Variants in PRKN observed in about 807,000 individuals in gnomAD.
The protein encoded by PRKN is parkin RBR E3 ubiquitin protein ligase, also known as E3 ubiquitin-protein ligase parkin.
In PRKN, 56 loss-of-function variants were observed where a neutral mutation model predicts 59.5. That is an observed-to-expected ratio of 0.94 (90% CI 0.76 to 1.18). PRKN has a LOEUF of 1.18. PRKN is among the 50% of genes most tolerant of loss of function. The probability of loss-of-function intolerance (pLI) is 0.00; values close to 1 mark genes in which losing one functional copy is unlikely to be tolerated. For synonymous variants in PRKN, 250 were observed against 222.1 expected (o/e 1.13, Z -1.12); for missense variants, 657 against 596.4 (o/e 1.10, Z -1.06).
At chr6:162,676,155 C>A (rs1409580655) in intron 1 of PRKN, among the ~76,000 whole-genome samples, 1 of 152,126 alleles carries the variant, frequency 6.6e-6, no homozygotes, top group Non-Finnish European at 1.5e-5. Context: ...TCAGTTATCA[C>A]AAAGTCAGAA....
intron 4 of PRKN, among the ~76,000 whole-genome samples, chr6:162,085,267 C>T (rs1334754240): frequency 4.6e-5 from 7 of 151,502 alleles, no homozygotes; most frequent in African/African-American, 1.7e-4. Context: ...ACCCCTACCC[C>T]TAAAAACAAC....
At chr6:161,774,695 A>G (rs1789848627) in intron 7 of PRKN, among the ~76,000 whole-genome samples, 1 of 152,154 alleles carries the variant, frequency 6.6e-6, no homozygotes, top group Non-Finnish European at 1.5e-5. Flanking sequence ...GCCAACCCAC[A>G]CTGGACCATG....
intron 4 of PRKN, among the ~76,000 whole-genome samples, chr6:162,099,658 A>G (rs1779883760): frequency 6.6e-6 from 1 of 152,246 alleles, no homozygotes; most frequent in African/African-American, 2.4e-5. Flanking sequence ...TTTTAAATCA[A>G]CAAAAATGAT....
At chr6:161,608,008 CCAGA>C (rs1782345807) in intron 7 of PRKN, among the ~76,000 whole-genome samples, 1 of 152,094 alleles carries the variant, frequency 6.6e-6, no homozygotes, top group East Asian at 1.9e-4. Context: ...TTCCCTATTC[CCAGA>C]CAAACCATTG....
chr6:162,630,966 G>C (rs1783089110), intron 1 of PRKN, among the ~76,000 whole-genome samples: 1 of 152,074 alleles, frequency 6.6e-6, no homozygotes, highest in Non-Finnish European at 1.5e-5. Context: ...AAGGAATTTT[G>C]ATCAAATTGA....
rs35184111 is a variant in PRKN, at chr6:162,087,589, C to CTTT, written c.535-33418_535-33416dup. Among the ~76,000 whole-genome samples the CTTT allele has an allele frequency of 7.6e-3, 780 of 102,680 alleles. 51 individuals carry two copies. The highest frequency in any genetic ancestry group is 0.02 in the African/African-American group (528 of 25,974). 67.4% of individuals were successfully genotyped at this position (102,680 alleles called of 152,430 possible). A position where few individuals can be genotyped will look rare whatever the true frequency, so the allele number is the denominator to read the frequency against. ...CCTACAGGTGCTTAGAGAATAATTTCTTTTTTTTTTTTTTTTTTTTTCTGA... is the reference window on the plus strand; with the variant it reads ...CCTACAGGTGCTTAGAGAATAATTTCTTTTTTTTTTTTTTTTTTTTTTTTCTGA... On this transcript the variant is annotated intron_variant, in intron 4 of 11. Transcript: ENST00000366898.
chr6:162,606,484 T>C (rs941488291), intron 1 of PRKN, among the ~76,000 whole-genome samples: 1 of 152,194 alleles, frequency 6.6e-6, no homozygotes, highest in Non-Finnish European at 1.5e-5. Flanking sequence ...TGAAAGTGTA[T>C]TGCTTTCACA....
Position 161,397,363 on chromosome 6 carries a change from T to C in PRKN, c.1084-10486A>G, listed in dbSNP as rs1948927798. 6.6e-6 allele frequency among the ~76,000 whole-genome samples: 1 copy of C among 152,190 alleles called. No homozygotes were observed. The highest frequency in any genetic ancestry group is 2.1e-4 in the South Asian group (1 of 4,830). On this transcript the variant is annotated intron_variant, in intron 9 of 11. Transcript: ENST00000366898. This position sits in a 1 kb window ranked among gnomAD's most constrained non-coding sequence, Gnocchi z 4.2. ...TCATGGGTTGAATTGAGTATTCTTG[T>C]GTAAGTCTTAAGGGTCCCATAGAAG...
intron 6 of PRKN, among the ~76,000 whole-genome samples, chr6:161,967,062 C>T (rs576407826): frequency 1.2e-4 from 19 of 152,292 alleles, no homozygotes; most frequent in Non-Finnish European, 1.8e-4. Flanking sequence ...GAACTCCTGA[C>T]CTCGTGATCT....
At chr6:161,513,304 G>A (rs911642678) in intron 9 of PRKN, among the ~76,000 whole-genome samples, 2 of 152,100 alleles carry the variant, frequency 1.3e-5, no homozygotes, top group African/African-American at 2.4e-5. Context: ...GCAGTGGTGC[G>A]ATCTCAGCAC....
intron 1 of PRKN, among the ~76,000 whole-genome samples, chr6:162,556,695 C>T (rs546536078): frequency 5.9e-4 from 80 of 136,316 alleles, no homozygotes; most frequent in African/African-American, 2.1e-3. Flanking sequence ...TGCTGTGAGC[C>T]GAGATTGCAC....
intron 1 of PRKN, among the ~76,000 whole-genome samples, chr6:162,528,247 G>A (rs568109239): frequency 7.1e-4 from 108 of 151,738 alleles, no homozygotes; most frequent in African/African-American, 2.5e-3. Context: ...GCTTGAACCC[G>A]GGAGGTGGAG....
rs1738984516 is a variant in PRKN, at chr6:161,480,094, C to G, written c.1083+68760G>C. On this transcript the variant is annotated intron_variant, in intron 9 of 11. Transcript: ENST00000366898. This position sits in a 1 kb window ranked among gnomAD's most constrained non-coding sequence, Gnocchi z 4.1. ...GAGGAGGGCAGCCTTCAGCCGTGTGCAGGCCATAGCATGAGCGAGAAATGA... is the reference window on the plus strand; with the variant it reads ...GAGGAGGGCAGCCTTCAGCCGTGTGGAGGCCATAGCATGAGCGAGAAATGA... Among the ~76,000 whole-genome samples the G allele has an allele frequency of 6.6e-6, 1 of 152,202 alleles. No homozygotes were observed. The highest frequency in any genetic ancestry group is 2.4e-5 in the African/African-American group (1 of 41,454).
intron 5 of PRKN, among the ~76,000 whole-genome samples, chr6:162,025,691 C>T (rs1783407951): frequency 1.4e-5 from 2 of 142,688 alleles, no homozygotes; most frequent in African/African-American, 2.6e-5. Flanking sequence ...CAGGTTCAAG[C>T]GATTCTTCTG....
intron 6 of PRKN, among the ~76,000 whole-genome samples, chr6:161,845,499 G>T (rs1793164776): frequency 6.6e-6 from 1 of 152,106 alleles, no homozygotes. Flanking sequence ...GTCCTCACGT[G>T]CCACAAGATT....
Position 161,547,316 on chromosome 6 carries a change from G to C in PRKN, c.1083+1538C>G, listed in dbSNP as rs1396735924. Among the ~76,000 whole-genome samples the C allele has an allele frequency of 6.6e-6, 1 of 152,084 alleles. No individual in the cohort carries two copies. The highest frequency in any genetic ancestry group is 2.4e-5 in the African/African-American group (1 of 41,406). On this transcript the variant is annotated intron_variant, in intron 9 of 11. Transcript: ENST00000366898. The surrounding 1 kb of genome is among the most constrained non-coding windows in gnomAD (Gnocchi z 4.0). ...TGCCTGCAGACTCTTTTAATCCAAA[G>C]ACATTACAGCATTTTGATTCACTTC...
chr6:162,203,323 T>C (rs780818171), intron 3 of PRKN, among the ~76,000 whole-genome samples: 3 of 152,082 alleles, frequency 2.0e-5, no homozygotes, highest in Non-Finnish European at 4.4e-5. Context: ...ACATGCAATC[T>C]ATTACACACA....
intron 7 of PRKN, among the ~76,000 whole-genome samples, chr6:161,599,476 A>G (rs1232811734): frequency 1.3e-5 from 2 of 152,216 alleles, no homozygotes; most frequent in Non-Finnish European, 1.5e-5. Flanking sequence ...CCTTAAGACT[A>G]TTGTTCTGAT....
At chr6:161,727,469 T>C (rs1381636044) in intron 7 of PRKN, among the ~76,000 whole-genome samples, 1 of 152,182 alleles carries the variant, frequency 6.6e-6, no homozygotes, top group African/African-American at 2.4e-5. Flanking sequence ...AAGGATGTAA[T>C]GGAAGCAGCC....
Sources: gnomAD v4.1 joint callset for allele counts (sites outside exome capture counted in the v4.1 genomes callset) on GRCh38, gnomAD v4.1.1 for gene constraint, Gnocchi (gnomAD v3.1) non-coding constraint, MANE v1.5 for transcripts, NCBI Gene and HGNC (gene_info 2026-07-23, HGNC 2026-07-21) for gene names.